Variants in CHD7 observed in about 807,000 individuals in gnomAD.
CHD7 encodes chromodomain helicase DNA binding protein 7.
In CHD7, 24 loss-of-function variants were observed where a neutral mutation model predicts 307.3. That is an observed-to-expected ratio of 0.08 (90% confidence interval 0.06 to 0.11). The LOEUF (loss-of-function observed/expected upper bound fraction) is 0.11. CHD7 is among the 10% of genes least tolerant of loss of function. CHD7 has a pLI of 1.00. For synonymous variants in CHD7, 1,363 were observed against 1,349.9 expected (o/e 1.01, Z -0.21); for missense variants, 3,106 against 3,727.1 (o/e 0.83, Z 4.34).
At chr8:60,856,921 C>T in intron 34 of CHD7, 33 bp downstream of exon 34, 7 of 1,511,388 alleles carry the variant, frequency 4.6e-6, no homozygotes, top group Non-Finnish European at 6.2e-6. Flanking sequence ...ATGGCGATTG[C>T]ACGTGTTGAC....
chr8:60,801,344 A>G (rs1007218280), intron 5 of CHD7, among the ~76,000 whole-genome samples, 184 bp from the exon 6 acceptor site: 2 of 152,124 alleles, frequency 1.3e-5, no homozygotes, highest in Non-Finnish European at 2.9e-5. Flanking sequence ...TTAAGCACAG[A>G]TCTCCTTTTT....
chr8:60,721,951 A>G (rs1224779690), intron 1 of CHD7, among the ~76,000 whole-genome samples: 3 of 152,230 alleles, frequency 2.0e-5, no homozygotes, highest in Non-Finnish European at 4.4e-5. Flanking sequence ...CCTGCTCTTC[A>G]TACAAAGTAG....
At chr8:60,851,340 G>A (rs1392682317) in intron 28 of CHD7, 21 bp downstream of exon 28, 9 of 1,546,656 alleles carry the variant, frequency 5.8e-6, no homozygotes, top group South Asian at 1.2e-5. Flanking sequence ...AGAAAAGCTT[G>A]TGTAGCCGAG....
chr8:60,787,720 T>G (rs569864982), intron 3 of CHD7, among the ~76,000 whole-genome samples: 19 of 152,226 alleles, frequency 1.2e-4, no homozygotes, highest in Non-Finnish European at 2.5e-4. Flanking sequence ...ATGTCTGTGT[T>G]AAGCTTCTGT....
chr8:60,814,107 A>G (rs908564488), intron 7 of CHD7, among the ~76,000 whole-genome samples: 2 of 152,154 alleles, frequency 1.3e-5, no homozygotes, highest in African/African-American at 4.8e-5. Flanking sequence ...TCCAGTTAGG[A>G]CGTTTTCTTG....
At chr8:60,710,862 A>G (rs1807253522) in intron 1 of CHD7, among the ~76,000 whole-genome samples, 2 of 152,230 alleles carry the variant, frequency 1.3e-5, no homozygotes, top group Admixed American at 6.5e-5. Flanking sequence ...GCAGACACCT[A>G]TCTGCACAAG....
intron 1 of CHD7, among the ~76,000 whole-genome samples, chr8:60,685,924 G>A (rs1805863328): frequency 6.6e-6 from 1 of 152,098 alleles, no homozygotes. Context: ...AGCTAATATG[G>A]GTGATTGCCA....
chr8:60,776,459 C>A (rs1810957321), intron 2 of CHD7, among the ~76,000 whole-genome samples: 1 of 152,208 alleles, frequency 6.6e-6, no homozygotes, highest in African/African-American at 2.4e-5. Flanking sequence ...CATTTGCATG[C>A]CTGCAGCCAC....
intron 3 of CHD7, among the ~76,000 whole-genome samples, chr8:60,782,677 A>G (rs1395333913): frequency 6.6e-6 from 1 of 152,028 alleles, no homozygotes; most frequent in Non-Finnish European, 1.5e-5. Flanking sequence ...CTAATTGAAA[A>G]CCATCACTTT....
chr8:60,701,624 C>A (rs1372074762), intron 1 of CHD7, among the ~76,000 whole-genome samples: 1 of 152,110 alleles, frequency 6.6e-6, no homozygotes, highest in Non-Finnish European at 1.5e-5. Context: ...TCCTGATATT[C>A]TTTTCTTGGA....
chr8:60,737,493 G>A (rs937461013), intron 1 of CHD7, among the ~76,000 whole-genome samples: 3 of 152,144 alleles, frequency 2.0e-5, no homozygotes, highest in Non-Finnish European at 4.4e-5. Flanking sequence ...GGAGGGGTTT[G>A]GATTAGAAGG....
chr8:60,698,308 G>A (rs927713022), intron 1 of CHD7, among the ~76,000 whole-genome samples: 2 of 152,156 alleles, frequency 1.3e-5, no homozygotes, highest in Admixed American at 6.5e-5. Context: ...GGATTTTTGC[G>A]TCAGTTAGGG....
chr8:60,744,156 G>C (rs545576226), intron 2 of CHD7, among the ~76,000 whole-genome samples: 5 of 152,288 alleles, frequency 3.3e-5, no homozygotes, highest in African/African-American at 1.2e-4. Context: ...TGAGACTGGG[G>C]GATGGTTTGC....
intron 1 of CHD7, among the ~76,000 whole-genome samples, chr8:60,687,921 T>C (rs189529707): frequency 3.3e-5 from 5 of 152,324 alleles, no homozygotes; most frequent in Admixed American, 3.3e-4. Context: ...GTAGACCAGC[T>C]CTGGAGCTTG....
chr8:60,785,811 C>T lies in CHD7; in HGVS notation c.2096+4381C>T, dbSNP rs78675045. 3.2e-4 allele frequency among the ~76,000 whole-genome samples: 48 copies of T among 151,940 alleles called. No homozygotes were observed. In the East Asian group the frequency reaches 8.3e-3, roughly 26 times the overall value. Reference sequence around the variant, plus strand: ...GTAATAAAATAAATTAAACCCTCAGCCTTCCTTTGATTTTTTTTTTTTGTA... The same window carrying T: ...GTAATAAAATAAATTAAACCCTCAGTCTTCCTTTGATTTTTTTTTTTTGTA... On this transcript the variant is annotated intron_variant, in intron 3 of 37. Coordinates refer to ENST00000423902, the MANE Select transcript of CHD7 (RefSeq NM_017780.4).
At chr8:60,782,257 C>T (rs1217708978) in intron 3 of CHD7, among the ~76,000 whole-genome samples, 1 of 152,130 alleles carries the variant, frequency 6.6e-6, no homozygotes, top group Non-Finnish European at 1.5e-5. Flanking sequence ...TTGCAAACTC[C>T]ATTAGAAAAC....
At chr8:60,854,232 C>T in intron 31 of CHD7, 131 bp from the exon 32 acceptor site, 1 of 701,284 alleles carries the variant, frequency 1.4e-6, no homozygotes, top group South Asian at 2.0e-5. Flanking sequence ...TGCCCAATAC[C>T]ATTCTAGCCA....
chr8:60,811,154 T>C (rs1221898295), intron 7 of CHD7, among the ~76,000 whole-genome samples: 2 of 152,180 alleles, frequency 1.3e-5, no homozygotes, highest in Non-Finnish European at 2.9e-5. Context: ...TGGGGCCTCA[T>C]GATTTATTTG....
At chr8:60,854,095 C>T (rs1375260496) in intron 31 of CHD7, among the ~76,000 whole-genome samples, 4 of 152,172 alleles carry the variant, frequency 2.6e-5, no homozygotes, top group Non-Finnish European at 5.9e-5. Context: ...CTATCAGCCT[C>T]TTGTAAGGTT....
Sources: allele counts gnomAD v4.1 joint callset (sites outside exome capture counted in the v4.1 genomes callset), GRCh38; gene constraint gnomAD v4.1.1; transcripts MANE v1.5; gene names NCBI Gene and HGNC (gene_info 2026-07-23, HGNC 2026-07-21).